The following CTNS variants were observed in gnomAD, a reference collection of about 807,000 sequenced individuals.
The protein encoded by CTNS is cystinosin.
A neutral mutation model predicts 43.7 loss-of-function variants in CTNS; 27 were observed. The observed-to-expected ratio is 0.62, with a 90% CI of 0.46 to 0.85. The LOEUF is 0.85. Among genes scored for constraint, CTNS ranks in the 40% least tolerant of loss-of-function variants. CTNS has a pLI of 0.00. For synonymous variants in CTNS, 187 were observed against 190.6 expected (o/e 0.98, Z 0.16); for missense variants, 457 against 475.4 (o/e 0.96, Z 0.36).
At chr17:3,658,975 G>C (rs2076220348) in intron 10 of CTNS, among the ~76,000 whole-genome samples, 1 of 152,186 alleles carries the variant, frequency 6.6e-6, no homozygotes, top group African/African-American at 2.4e-5. Context: ...GAGCTGGGGG[G>C]GGCTTCCGAG....
chr17:3,640,956 G>C (rs2075672161), intron 3 of CTNS, among the ~76,000 whole-genome samples: 1 of 152,126 alleles, frequency 6.6e-6, no homozygotes, highest in African/African-American at 2.4e-5. Context: ...GGACCTCACA[G>C]AGAGAGTCTT....
At chr17:3,646,119 C>A (rs867813331) in intron 3 of CTNS, among the ~76,000 whole-genome samples, 11 of 152,046 alleles carry the variant, frequency 7.2e-5, no homozygotes, top group African/African-American at 2.7e-4. Flanking sequence ...CTGTGTGTAA[C>A]CCTGAAGGCA....
At chr17:3,639,559 T>A (rs2075629757) in intron 2 of CTNS, among the ~76,000 whole-genome samples, 1 of 151,498 alleles carries the variant, frequency 6.6e-6, no homozygotes, top group African/African-American at 2.4e-5. Flanking sequence ...TCCCAGCTAC[T>A]CAGGAGGCTG....
At chr17:3,658,507 G>A (rs2076209689) in intron 10 of CTNS, among the ~76,000 whole-genome samples, 1 of 152,194 alleles carries the variant, frequency 6.6e-6, no homozygotes, top group Admixed American at 6.5e-5. Flanking sequence ...TCCACAGCAG[G>A]ACACTCTGGA....
intron 3 of CTNS, among the ~76,000 whole-genome samples, chr17:3,643,218 A>G (rs545310085): frequency 2.0e-4 from 31 of 151,734 alleles, no homozygotes; most frequent in Admixed American, 1.2e-3. Flanking sequence ...GGAGGCTGAG[A>G]CAGGAGAATT....
chr17:3,640,268 G>T lies in CTNS; in HGVS notation c.61+1G>T, dbSNP rs1555558116. Reference sequence around the variant, plus strand: ...CCCCTGAAGCTCGTAGAGAAATGTGGTAAGTTTAGAAATGACACGTCAACT... The same window carrying T: ...CCCCTGAAGCTCGTAGAGAAATGTGTTAAGTTTAGAAATGACACGTCAACT... On this transcript the variant is annotated splice_donor_variant, in intron 3 of 11. Coordinates refer to ENST00000046640, the MANE Select transcript of CTNS (RefSeq NM_004937.3). LOFTEE classifies it high-confidence loss of function. 2 of 1,613,726 alleles carry T rather than the reference G, an allele frequency of 1.2e-6. No homozygotes were observed. Among genetic ancestry groups the T allele is most frequent in the Non-Finnish European group, 1.7e-6 (2 of 1,179,584 alleles).
chr17:3,651,103 T>C (rs973772636), intron 5 of CTNS, among the ~76,000 whole-genome samples: 2 of 151,072 alleles, frequency 1.3e-5, no homozygotes, highest in African/African-American at 2.4e-5. Context: ...GGCCCGGCCA[T>C]TGATTGATTG....
chr17:3,650,428 G>A, intron 5 of CTNS: 2 of 1,402,268 alleles, frequency 1.4e-6, no homozygotes, highest in East Asian at 2.5e-5. Flanking sequence ...GCTGCAGTGA[G>A]CCATGACTGT....
intron 2 of CTNS, 115 bp from the exon 3 acceptor site, chr17:3,640,073 C>A: frequency 1.2e-6 from 1 of 824,562 alleles, no homozygotes; most frequent in Non-Finnish European, 2.1e-6. Context: ...GAGGTCACAG[C>A]TGTCAGGTGG....
intron 4 of CTNS, among the ~76,000 whole-genome samples, chr17:3,648,161 C>T (rs1315649461): frequency 6.6e-6 from 1 of 152,208 alleles, no homozygotes; most frequent in Admixed American, 6.5e-5. Context: ...GCCTTTCCCC[C>T]TTCCTCGCCT....
intron 4 of CTNS, 49 bp downstream of exon 4, chr17:3,647,571 G>T (rs764079971): frequency 6.5e-7 from 1 of 1,549,396 alleles, no homozygotes. Context: ...AGGCCCCGCA[G>T]CTGGGTCAGG....
chr17:3,652,398 C>G (rs2076008831), intron 5 of CTNS, among the ~76,000 whole-genome samples: 1 of 152,152 alleles, frequency 6.6e-6, no homozygotes, highest in South Asian at 2.1e-4. Flanking sequence ...TCAAGACCAG[C>G]CTGGCCAACA....
chr17:3,645,997 C>G (rs1459673384), intron 3 of CTNS, among the ~76,000 whole-genome samples: 1 of 151,352 alleles, frequency 6.6e-6, no homozygotes, highest in Non-Finnish European at 1.5e-5. Context: ...GTGACGGGGT[C>G]TGGGTCGGGG....
chr17:3,655,515 G>A lies in CTNS; in HGVS notation c.461+163G>A, dbSNP rs544912689. On this transcript the variant is annotated intron_variant, in intron 7 of 11. Transcript: ENST00000046640. ...TGCGAAGGCTCGGAGAGCCTGGGTC[G>A]GATTCCCGTGCTGGGCGTTTCATCC... 358 of 1,046,396 alleles carry A rather than the reference G, an allele frequency of 3.4e-4. No individual in the cohort carries two copies. In the African/African-American group the frequency reaches 4.3e-3, roughly 13 times the overall value. 64.8% of individuals were successfully genotyped at this position (1,046,396 alleles called of 1,614,324 possible). A position where few individuals can be genotyped will look rare whatever the true frequency, so the allele number is the denominator to read the frequency against.
intron 9 of CTNS, chr17:3,657,604 C>T (rs1469143046): frequency 3.4e-6 from 1 of 290,764 alleles, no homozygotes; most frequent in Non-Finnish European, 6.6e-6. Context: ...AGGCTGCTGC[C>T]GGGTCGTGGG....
chr17:3,646,886 C>T (rs1405651877), intron 3 of CTNS, among the ~76,000 whole-genome samples: 2 of 152,158 alleles, frequency 1.3e-5, no homozygotes, highest in African/African-American at 4.8e-5. Context: ...TCCAGTACCC[C>T]GCAGATAGTC....
At chr17:3,655,441 G>A (rs1347805360) in intron 7 of CTNS, 89 bp downstream of exon 7, 20 of 1,567,756 alleles carry the variant, frequency 1.3e-5, no homozygotes, top group African/African-American at 5.4e-5. Context: ...AGCCTCCAAC[G>A]TCCCCTCTAC....
At chr17:3,643,497 A>G (rs1206007430) in intron 3 of CTNS, among the ~76,000 whole-genome samples, 1 of 152,076 alleles carries the variant, frequency 6.6e-6, no homozygotes, top group Non-Finnish European at 1.5e-5. Flanking sequence ...GGGAGGCCAA[A>G]GAGGGAGGAT....
At chr17:3,647,414 G>A in intron 3 of CTNS, 30 bp from the exon 4 acceptor site, 1 of 1,598,546 alleles carries the variant, frequency 6.3e-7, no homozygotes, top group Non-Finnish European at 8.6e-7. Context: ...CTGACCCAGT[G>A]CCTCATGTCA....
Sources: allele counts gnomAD v4.1 joint callset (sites outside exome capture counted in the v4.1 genomes callset), GRCh38; gene constraint gnomAD v4.1.1; transcripts MANE v1.5; gene names NCBI Gene and HGNC (gene_info 2026-07-23, HGNC 2026-07-21).